INO80D: variants seen among roughly 807,000 people sequenced by gnomAD.
The protein encoded by INO80D is INO80 complex subunit D.
In INO80D, 21 loss-of-function variants were observed where a neutral mutation model predicts 87.6. That is an observed-to-expected ratio of 0.24 (90% CI 0.17 to 0.35). The LOEUF is 0.35. INO80D is among the 10% of genes least tolerant of loss of function. The probability of loss-of-function intolerance (pLI) is 1.00; values close to 1 mark genes in which losing one functional copy is unlikely to be tolerated. For synonymous variants in INO80D, 440 were observed against 491.0 expected, an observed-to-expected ratio of 0.90 and a Z score of 1.37; for missense variants, 982 against 1,280.7, an observed-to-expected ratio of 0.77 and a Z score of 3.56.
rs1354614623 is a variant in INO80D at position 206,007,431 on chromosome 2, T to C, written c.1771A>G (p.Thr591Ala). The C allele has an allele frequency of 1.2e-6, 2 of 1,608,432 alleles. No homozygotes were observed. ...VEASHIRSPS[T>A]PELSADELPD... ...AACTCATCAGCACTCAGCTCTGGCG[T>C]GGATGGGCTCCTGGGAAAGAGGACA... The change falls in exon 10 of 11, where the codon ACG (threonine) becomes GCG (alanine). Residue 591 changes from threonine (T) to alanine (A), a missense_variant. Physicochemically the swap from Thr to Ala is moderately conservative, Grantham distance 58. Coordinates refer to ENST00000403263, the MANE Select transcript of INO80D (RefSeq NM_017759.5).
chr2:206,059,515 CA>C (rs1689629043), intron 3 of INO80D, among the ~76,000 whole-genome samples: 1 of 152,174 alleles, frequency 6.6e-6, no homozygotes, highest in African/African-American at 2.4e-5. Context: ...TGGGCTTCAT[CA>C]TATAAGTGTT....
At chr2:206,038,630 G>C (rs986635459) in intron 5 of INO80D, among the ~76,000 whole-genome samples, 1 of 152,090 alleles carries the variant, frequency 6.6e-6, no homozygotes, top group African/African-American at 2.4e-5. Context: ...CCAGGAGTTC[G>C]AAAGTGGCCT....
At chr2:206,053,826 G>A (rs1318632587) in intron 4 of INO80D, among the ~76,000 whole-genome samples, 5 of 150,368 alleles carry the variant, frequency 3.3e-5, no homozygotes, top group African/African-American at 9.7e-5. Context: ...GACACATCCC[G>A]GTCAAAAGAT....
rs3079265 is a variant in INO80D at position 206,050,496 on chromosome 2, G to GA, written c.965-3885dup. ...GACAGAGCAGGACTCCGTCTCAAAA[G>GA]AAAAAAAAAAAAAAAAAAAAAAAAA... On this transcript the variant is annotated intron_variant, in intron 4 of 10. Transcript: ENST00000403263. Among the ~76,000 whole-genome samples, 745 of 99,488 alleles carry GA rather than the reference G, an allele frequency of 7.5e-3. 41 individuals carry two copies. Among genetic ancestry groups the GA allele is most frequent in the African/African-American group, 0.012 (253 of 20,828 alleles). 65.3% of individuals were successfully genotyped at this position (99,488 alleles called of 152,430 possible). A position where few individuals can be genotyped will look rare whatever the true frequency, so the allele number is the denominator to read the frequency against.
At position 206,004,823 on chromosome 2, in the gene INO80D, C is replaced by G. The variant is rs1288240878; in HGVS notation, c.2629G>C (p.Glu877Gln). 4 of 1,613,988 alleles carry G rather than the reference C, an allele frequency of 2.5e-6. No individual in the cohort carries two copies. The highest frequency in any genetic ancestry group is 3.4e-6 in the Non-Finnish European group (4 of 1,179,892). The change falls in exon 11 of 11, where the codon GAG becomes CAG. Residue 877 changes from glutamate to glutamine, a missense_variant. Glu to Gln is a conservative substitution (Grantham distance 29). Transcript: ENST00000403263. The surrounding 1 kb of genome is among the most constrained non-coding windows in gnomAD (Gnocchi z 4.9). The part of the protein sequence containing the change: ...MAQHLLPTQL[E>Q]VPLGGVVNPR... Reference sequence around the variant, plus strand: ...TTTACCACGCCTCCAAGTGGCACCTCAAGTTGGGTTGGGAGCAAGTGCTGC... The same window carrying G: ...TTTACCACGCCTCCAAGTGGCACCTGAAGTTGGGTTGGGAGCAAGTGCTGC...
intron 4 of INO80D, among the ~76,000 whole-genome samples, chr2:206,047,149 C>T (rs1689218205): frequency 6.6e-6 from 1 of 152,144 alleles, no homozygotes; most frequent in Non-Finnish European, 1.5e-5. Context: ...CTTCTTTTGT[C>T]AGACACTTCA....
intron 4 of INO80D, 120 bp downstream of exon 4, chr2:206,056,078 T>C (rs534133461): frequency 7.3e-5 from 69 of 949,670 alleles, no homozygotes; most frequent in Non-Finnish European, 9.4e-5. Flanking sequence ...ACTGCACCAC[T>C]CTGCCTCATT....
At chr2:206,082,077 A>G (rs1440462759) in intron 1 of INO80D, among the ~76,000 whole-genome samples, 4 of 152,180 alleles carry the variant, frequency 2.6e-5, no homozygotes, top group South Asian at 2.1e-4. Context: ...CTGGAATGCA[A>G]TGGTGCAATC....
chr2:206,065,211 C>T (rs1319414103), intron 1 of INO80D, among the ~76,000 whole-genome samples: 1 of 152,198 alleles, frequency 6.6e-6, no homozygotes, highest in Non-Finnish European at 1.5e-5. Context: ...TGGCTCATGC[C>T]TGTAATCCCA....
chr2:206,006,348 A>G (rs1195783611), intron 10 of INO80D, among the ~76,000 whole-genome samples: 1 of 152,206 alleles, frequency 6.6e-6, no homozygotes, highest in Admixed American at 6.5e-5. Context: ...GTTGAAGTAC[A>G]GGGTGGGGTA....
At chr2:206,041,525 C>T (rs528684392) in intron 5 of INO80D, among the ~76,000 whole-genome samples, 51 of 152,208 alleles carry the variant, frequency 3.4e-4, no homozygotes, top group Admixed American at 3.3e-3. Context: ...AACAATTATG[C>T]ATCTAATAAC....
chr2:206,071,816 G>T (rs187085928), intron 1 of INO80D, among the ~76,000 whole-genome samples: 43 of 151,970 alleles, frequency 2.8e-4, no homozygotes, highest in Non-Finnish European at 5.7e-4. Flanking sequence ...TTCCACCATA[G>T]GAACTATTTT....
chr2:206,083,831 A>T (rs915875112), intron 1 of INO80D, among the ~76,000 whole-genome samples: 2 of 149,644 alleles, frequency 1.3e-5, no homozygotes, highest in Non-Finnish European at 3.0e-5. Flanking sequence ...GACACCGCAC[A>T]TAAACACAAC....
At chr2:206,057,707 A>G (rs1179810245) in intron 3 of INO80D, among the ~76,000 whole-genome samples, 1 of 152,120 alleles carries the variant, frequency 6.6e-6, no homozygotes, top group African/African-American at 2.4e-5. Context: ...TTCAACAATA[A>G]GCAAGTATAC....
chr2:206,059,718 A>G (rs1409759501), intron 3 of INO80D, among the ~76,000 whole-genome samples: 1 of 151,552 alleles, frequency 6.6e-6, no homozygotes, highest in Admixed American at 6.6e-5. Context: ...AAAGGTTTCT[A>G]GCCAGCAAAG....
intron 1 of INO80D, among the ~76,000 whole-genome samples, chr2:206,069,175 A>G (rs112133731): frequency 3.9e-4 from 60 of 152,102 alleles, no homozygotes; most frequent in African/African-American, 1.4e-3. Context: ...CTACTTATAC[A>G]TGGATTTTTT....
At position 206,005,266 on chromosome 2, in the gene INO80D, A is replaced by T; in HGVS notation, c.2186T>A (p.Leu729Gln). ...GRIVHDNFSS[L>Q]ELDENLLRSA... ...ACGGAGCAGGTTCTCATCCAGCTCT[A>T]GACTAGAAAAATTATCATGTACTAT... The change falls in exon 11 of 11, where the codon CTA becomes CAA. Residue 729 changes from leucine (L) to glutamine (Q), a missense_variant. By Grantham distance (113) the Leu-to-Gln change is moderately radical. Transcript: ENST00000403263. 1 of 1,614,044 alleles carries T rather than the reference A, an allele frequency of 6.2e-7. No individual in the cohort carries two copies. Among genetic ancestry groups the T allele is most frequent in the South Asian group, 1.1e-5 (1 of 91,084 alleles).
intron 10 of INO80D, among the ~76,000 whole-genome samples, chr2:206,006,788 T>G (rs1688038279): frequency 6.6e-6 from 1 of 152,238 alleles, no homozygotes; most frequent in South Asian, 2.1e-4. Context: ...GGCTCATGCC[T>G]GTAATCCCAG....
chr2:206,079,525 C>T (rs542104663), intron 1 of INO80D, among the ~76,000 whole-genome samples: 1 of 152,290 alleles, frequency 6.6e-6, no homozygotes, highest in East Asian at 1.9e-4. Context: ...TACATCCAGT[C>T]CACCTATGAG....
Sources: allele counts gnomAD v4.1 joint callset (sites outside exome capture counted in the v4.1 genomes callset), GRCh38; gene constraint gnomAD v4.1.1; non-coding constraint Gnocchi (gnomAD v3.1); transcripts MANE v1.5; gene names NCBI Gene and HGNC (gene_info 2026-07-23, HGNC 2026-07-21).